Variants in RAB8B observed in about 807,000 individuals in gnomAD.
RAB8B encodes the protein ras-related protein Rab-8B.
RAB8B carries 11 observed loss-of-function variants against 32.0 expected under a neutral mutation model. The ratio of observed to expected loss-of-function variants is 0.34; its 90% confidence interval spans 0.22 to 0.57. RAB8B has a LOEUF of 0.57. RAB8B is among the 20% of genes least tolerant of loss of function. The probability of loss-of-function intolerance (pLI) is 0.86; values close to 1 mark genes in which losing one functional copy is unlikely to be tolerated. For missense variants in RAB8B, 190 were observed against 258.5 expected (o/e 0.73, Z 1.82); for synonymous variants, 103 against 89.6 (o/e 1.15, Z -0.85).
chr15:63,253,945 G>T (rs543933332), intron 3 of RAB8B, among the ~76,000 whole-genome samples: 1 of 152,272 alleles, frequency 6.6e-6, no homozygotes, highest in African/African-American at 2.4e-5. Flanking sequence ...AGACAATCTT[G>T]TTTTACTTTG....
intron 1 of RAB8B, among the ~76,000 whole-genome samples, chr15:63,204,408 G>A (rs571720113): frequency 6.6e-5 from 10 of 152,174 alleles, no homozygotes; most frequent in Admixed American, 5.9e-4. Context: ...CAGACTCTCA[G>A]GGCATCTTGA....
intron 1 of RAB8B, among the ~76,000 whole-genome samples, chr15:63,235,701 T>G (rs2037972769): frequency 6.6e-6 from 1 of 150,884 alleles, no homozygotes; most frequent in Non-Finnish European, 1.5e-5. Flanking sequence ...ATATGAATGA[T>G]AATACTGTTG....
chr15:63,202,102 A>C, intron 1 of RAB8B, among the ~76,000 whole-genome samples: 1 of 90,100 alleles, frequency 1.1e-5, no homozygotes, highest in Non-Finnish European at 2.5e-5. Flanking sequence ...AAAAAAAAAA[A>C]AAAAAAAAAA....
chr15:63,235,398 C>T (rs2037969782), intron 1 of RAB8B, among the ~76,000 whole-genome samples: 1 of 152,092 alleles, frequency 6.6e-6, no homozygotes, highest in Admixed American at 6.5e-5. Flanking sequence ...GAACATACCT[C>T]CATGTATGTT....
chr15:63,212,128 T>G (rs942095416), intron 1 of RAB8B, among the ~76,000 whole-genome samples: 1 of 152,180 alleles, frequency 6.6e-6, no homozygotes, highest in Non-Finnish European at 1.5e-5. Context: ...CCACAGTGCC[T>G]GGCCTAAAAG....
intron 1 of RAB8B, 40 bp from the exon 2 acceptor site, chr15:63,244,716 C>T: frequency 6.8e-7 from 1 of 1,467,036 alleles, no homozygotes; most frequent in Non-Finnish European, 9.5e-7. Context: ...TGGATTATAT[C>T]TGAAGAAACT....
intron 1 of RAB8B, among the ~76,000 whole-genome samples, chr15:63,231,543 C>T (rs1457389168): frequency 1.3e-5 from 2 of 149,878 alleles, no homozygotes; most frequent in East Asian, 3.9e-4. Flanking sequence ...TCAGAGTATT[C>T]ACCTCACCCT....
rs373584826 is a variant in RAB8B at position 63,267,583 on chromosome 15, T to C, written c.*3964T>C. 6 of 152,330 alleles carry C rather than the reference T, an allele frequency of 3.9e-5. No homozygotes were observed. Among genetic ancestry groups the C allele is most frequent in the East Asian group, 1.9e-4 (1 of 5,186 alleles). 9.4% of individuals were successfully genotyped at this position (152,330 alleles called of 1,614,324 possible). On this transcript the variant is annotated 3_prime_UTR_variant, in exon 8 of 8. Coordinates refer to ENST00000321437, the MANE Select transcript of RAB8B (RefSeq NM_016530.3). ...GTACATGTTTAAACATATTTTATTTTTGCTCCAATGGCTTAATGTGAAAAG... is the reference window on the plus strand; with the variant it reads ...GTACATGTTTAAACATATTTTATTTCTGCTCCAATGGCTTAATGTGAAAAG...
At chr15:63,241,356 T>A (rs2038030521) in intron 1 of RAB8B, among the ~76,000 whole-genome samples, 1 of 152,166 alleles carries the variant, frequency 6.6e-6, no homozygotes, top group South Asian at 2.1e-4. Flanking sequence ...TCAAAAAAAA[T>A]AAGTGAATGA....
chr15:63,197,376 T>C (rs1419356701), intron 1 of RAB8B, among the ~76,000 whole-genome samples: 13 of 137,902 alleles, frequency 9.4e-5, no homozygotes, highest in South Asian at 2.4e-4. Flanking sequence ...TTTTCTTTTT[T>C]TTTTTTTTTT....
In RAB8B at chr15:63,192,725, C is replaced by T. The variant is rs551974237; in HGVS notation, c.124+2977C>T. Among the ~76,000 whole-genome samples the T allele has an allele frequency of 7.2e-5, 11 of 152,294 alleles. No homozygotes were observed. In the South Asian group the frequency reaches 1.2e-3, roughly 17 times the overall value. ...TGTTTTGATAGGGGTTCTGTCATCA[C>T]GAAGGGAAGGAGACAGTCATTTTGA... On this transcript the variant is annotated intron_variant, in intron 1 of 7. Transcript: ENST00000321437.
At chr15:63,233,067 CTTT>C (rs925614859) in intron 1 of RAB8B, among the ~76,000 whole-genome samples, 19 of 89,808 alleles carry the variant, frequency 2.1e-4, no homozygotes, top group Admixed American at 1.3e-3. Flanking sequence ...TTTTTTTTTT[CTTT>C]TTTGTTGAGA....
intron 1 of RAB8B, among the ~76,000 whole-genome samples, chr15:63,209,815 C>G (rs1224967494): frequency 1.3e-5 from 2 of 151,496 alleles, no homozygotes; most frequent in Non-Finnish European, 2.9e-5. Flanking sequence ...GTTTGTTACA[C>G]AGGTATACAT....
intron 1 of RAB8B, among the ~76,000 whole-genome samples, chr15:63,197,876 AAG>A (rs1489115282): frequency 6.6e-6 from 1 of 152,164 alleles, no homozygotes; most frequent in East Asian, 1.9e-4. Context: ...ACAGTAGGGA[AAG>A]AGAGGGAGGG....
chr15:63,199,141 C>T (rs2037627263), intron 1 of RAB8B, among the ~76,000 whole-genome samples: 1 of 152,228 alleles, frequency 6.6e-6, no homozygotes, highest in African/African-American at 2.4e-5. Context: ...TCTGTTAGCA[C>T]CTCACCCATA....
chr15:63,250,934 C>T (rs1303914893), intron 3 of RAB8B, among the ~76,000 whole-genome samples: 2 of 151,664 alleles, frequency 1.3e-5, no homozygotes, highest in Non-Finnish European at 2.9e-5. Context: ...GGGGTGATAG[C>T]TGTCCCCACA....
intron 1 of RAB8B, among the ~76,000 whole-genome samples, chr15:63,207,464 G>T (rs991209334): frequency 2.6e-5 from 4 of 151,858 alleles, no homozygotes; most frequent in African/African-American, 9.7e-5. Context: ...ACCCTTTCAT[G>T]AATTGTCATA....
chr15:63,223,886 T>C (rs1421597331), intron 1 of RAB8B: 1 of 436,242 alleles, frequency 2.3e-6, no homozygotes, highest in East Asian at 7.0e-5. Context: ...ACCCATTTTA[T>C]TATCCCACAA....
At chr15:63,210,590 T>A (rs2037738612) in intron 1 of RAB8B, among the ~76,000 whole-genome samples, 1 of 152,214 alleles carries the variant, frequency 6.6e-6, no homozygotes, top group South Asian at 2.1e-4. Context: ...CTTCTGTGGA[T>A]CATTTTTCAA....
Sources: gnomAD v4.1 joint callset for allele counts (sites outside exome capture counted in the v4.1 genomes callset) on GRCh38, gnomAD v4.1.1 for gene constraint, MANE v1.5 for transcripts, NCBI Gene and HGNC (gene_info 2026-07-23, HGNC 2026-07-21) for gene names.